The following BNC2 variants were observed in gnomAD, a reference collection of about 807,000 sequenced individuals.
BNC2 encodes the protein zinc finger protein basonuclin-2.
BNC2 carries 20 observed loss-of-function variants against 76.3 expected under a neutral mutation model. That is an observed-to-expected ratio of 0.26 (90% confidence interval 0.18 to 0.38). The LOEUF (loss-of-function observed/expected upper bound fraction) is 0.38, where lower values mean the gene tolerates loss of function less well. BNC2 is among the 10% of genes least tolerant of loss of function. The pLI, the probability that BNC2 is intolerant of heterozygous loss-of-function variation, is 1.00. For missense variants in BNC2, 1,382 were observed against 1,399.8 expected, an observed-to-expected ratio of 0.99 and a Z score of 0.20; for synonymous variants, 582 against 514.8, an observed-to-expected ratio of 1.13 and a Z score of -1.77.
chr9:16,758,096 C>G (rs1454570321), intron 1 of BNC2, among the ~76,000 whole-genome samples: 4 of 152,156 alleles, frequency 2.6e-5, no homozygotes, highest in African/African-American at 9.7e-5. Context: ...AATCTGCTTC[C>G]TTGTATTTCT....
Position 16,638,190 on chromosome 9 carries a change from C to T in BNC2, c.331-55105G>A, listed in dbSNP as rs10962515. Among the ~76,000 whole-genome samples the T allele has an allele frequency of 7.4e-3, 1,125 of 152,270 alleles. 7 individuals carry two copies. The highest frequency in any genetic ancestry group is 0.013 in the South Asian group (65 of 4,822). ...CTCGTGGTTTCTGGCAAGGTTGAGC[C>T]GTCTACAGAAACAAGATTTTCTAAC... On this transcript the variant is annotated intron_variant, in intron 3 of 6. Transcript: ENST00000380672.
At chr9:16,668,440 T>C (rs1822366042) in intron 3 of BNC2, among the ~76,000 whole-genome samples, 1 of 152,222 alleles carries the variant, frequency 6.6e-6, no homozygotes, top group Non-Finnish European at 1.5e-5. Context: ...CATTCTCCGA[T>C]ATGATCTCAG....
chr9:16,586,079 A>G (rs1052697123), intron 3 of BNC2, among the ~76,000 whole-genome samples: 1 of 152,000 alleles, frequency 6.6e-6, no homozygotes, highest in African/African-American at 2.4e-5. Flanking sequence ...AATTTCCATT[A>G]TTGGAAACTG....
At chr9:16,570,776 C>G (rs1265500526) in intron 4 of BNC2, among the ~76,000 whole-genome samples, 1 of 152,104 alleles carries the variant, frequency 6.6e-6, no homozygotes, top group Non-Finnish European at 1.5e-5. Context: ...GAGTTATCAA[C>G]AAGGCAAAAA....
At chr9:16,864,863 AG>A (rs1289182680) in intron 1 of BNC2, among the ~76,000 whole-genome samples, 1 of 152,104 alleles carries the variant, frequency 6.6e-6, no homozygotes, top group Non-Finnish European at 1.5e-5. Flanking sequence ...TTAAATGAAT[AG>A]GAATAGTTGA....
intron 1 of BNC2, among the ~76,000 whole-genome samples, chr9:16,837,483 G>A (rs979607976): frequency 4.6e-5 from 7 of 151,970 alleles, no homozygotes; most frequent in African/African-American, 7.2e-5. Flanking sequence ...CAGCCTGGGC[G>A]ACAGTGCGAG....
At chr9:16,813,765 C>T (rs552655926) in intron 1 of BNC2, among the ~76,000 whole-genome samples, 1 of 152,068 alleles carries the variant, frequency 6.6e-6, no homozygotes, top group Admixed American at 6.5e-5. Context: ...CTTAATGTGA[C>T]CTCAATGCAA....
chr9:16,799,047 G>A (rs1358227496), intron 1 of BNC2, among the ~76,000 whole-genome samples: 1 of 152,084 alleles, frequency 6.6e-6, no homozygotes, highest in Non-Finnish European at 1.5e-5. Context: ...CAAGGTTCTG[G>A]GATCTGCAAT....
intron 3 of BNC2, among the ~76,000 whole-genome samples, chr9:16,634,267 T>A (rs1821250989): frequency 6.6e-6 from 1 of 152,200 alleles, no homozygotes; most frequent in South Asian, 2.1e-4. Context: ...TATCTATTCC[T>A]CTATTATTAA....
At chr9:16,690,337 G>A (rs1364155580) in intron 3 of BNC2, among the ~76,000 whole-genome samples, 1 of 152,096 alleles carries the variant, frequency 6.6e-6, no homozygotes, top group Non-Finnish European at 1.5e-5. Flanking sequence ...AATTAGCTGG[G>A]TGTGGTGACA....
chr9:16,724,160 G>A (rs1369323349), intron 3 of BNC2, among the ~76,000 whole-genome samples: 2 of 151,912 alleles, frequency 1.3e-5, no homozygotes, highest in African/African-American at 2.4e-5. Context: ...AATGTCTCTA[G>A]TAACACATTA....
chr9:16,675,991 G>A (rs1822628413), intron 3 of BNC2, among the ~76,000 whole-genome samples: 1 of 152,116 alleles, frequency 6.6e-6, no homozygotes, highest in Non-Finnish European at 1.5e-5. Context: ...CTTGAACCCG[G>A]GAGGCAGAGA....
At chr9:16,634,573 C>G (rs1336862606) in intron 3 of BNC2, among the ~76,000 whole-genome samples, 1 of 148,894 alleles carries the variant, frequency 6.7e-6, no homozygotes, top group East Asian at 2.0e-4. Context: ...GCAATCTCTG[C>G]TCACTGCAAG....
At position 16,778,940 on chromosome 9, in the gene BNC2, T is replaced by C. The variant is rs555807563; in HGVS notation, c.4-40455A>G. Among the ~76,000 whole-genome samples the C allele has an allele frequency of 2.2e-4, 34 of 151,990 alleles. No homozygotes were observed. The South Asian group carries it at 6.0e-3, about 27-fold the overall frequency. ...CATAAAACGATATTTTTAGAAATGC[T>C]CCTTTTGCCTTCTTTTGGGGATGGC... is the stretch of plus-strand genomic sequence containing the variant. On this transcript the variant is annotated intron_variant, in intron 1 of 6. Transcript: ENST00000380672.
chr9:16,776,851 C>A (rs543253411), intron 1 of BNC2, among the ~76,000 whole-genome samples: 1 of 152,046 alleles, frequency 6.6e-6, no homozygotes, highest in African/African-American at 2.4e-5. Flanking sequence ...GGCAGCCAGG[C>A]GTGGTGGCTC....
Position 16,515,840 on chromosome 9 carries a change from T to C in BNC2, c.669+36690A>G, listed in dbSNP as rs551613225. On this transcript the variant is annotated intron_variant, in intron 5 of 6. Transcript: ENST00000380672. ...AAGATATATATATATATACATCTCA[T>C]TGCATTATGTTCTAAGAAATTCAGA... Among the ~76,000 whole-genome samples the C allele has an allele frequency of 7.9e-4, 119 of 151,526 alleles. 3 individuals carry two copies. In the South Asian group the frequency reaches 0.024, roughly 30 times the overall value.
chr9:16,473,062 A>G (rs974501467), intron 5 of BNC2: 1 of 152,252 alleles, frequency 6.6e-6, no homozygotes, highest in African/African-American at 2.4e-5. Context: ...CTTTGGAGCT[A>G]AGCATGATAC....
At chr9:16,483,770 G>T (rs1822106697) in intron 5 of BNC2, among the ~76,000 whole-genome samples, 1 of 152,168 alleles carries the variant, frequency 6.6e-6, no homozygotes, top group African/African-American at 2.4e-5. Context: ...AGCTGCCCTT[G>T]TATAAGATTT....
At chr9:16,857,425 C>T (rs1270218383) in intron 1 of BNC2, among the ~76,000 whole-genome samples, 1 of 148,224 alleles carries the variant, frequency 6.7e-6, no homozygotes, top group African/African-American at 2.5e-5. Context: ...TGCAGTGAGC[C>T]GACATTGTGC....
Sources: gnomAD v4.1 joint callset for allele counts (sites outside exome capture counted in the v4.1 genomes callset) on GRCh38, gnomAD v4.1.1 for gene constraint, MANE v1.5 for transcripts, NCBI Gene and HGNC (gene_info 2026-07-23, HGNC 2026-07-21) for gene names.